Variants in GPC6 observed in about 807,000 individuals in gnomAD.
GPC6 encodes the protein glypican-6.
Under a neutral mutation model 55.2 loss-of-function variants are expected in GPC6, and 14 were observed. The observed-to-expected ratio is 0.25, with a 90% CI of 0.17 to 0.40. GPC6 has a LOEUF of 0.40. Ranked by LOEUF, GPC6 falls within the 10% of genes least tolerant of loss-of-function variation. The pLI is 1.00. For missense variants in GPC6, 641 were observed against 708.5 expected, an observed-to-expected ratio of 0.90 and a Z score of 1.08; for synonymous variants, 278 against 259.6, an observed-to-expected ratio of 1.07 and a Z score of -0.68.
chr13:93,364,163 G>A (rs555727626), intron 1 of GPC6, among the ~76,000 whole-genome samples: 3 of 151,892 alleles, frequency 2.0e-5, no homozygotes, highest in African/African-American at 7.3e-5. Flanking sequence ...GTCAATTTTG[G>A]CTTTTGTTGC....
At chr13:93,726,263 C>T (rs987735373) in intron 2 of GPC6, among the ~76,000 whole-genome samples, 8 of 152,060 alleles carry the variant, frequency 5.3e-5, no homozygotes, top group Admixed American at 4.6e-4. Flanking sequence ...TCTGTGCATT[C>T]ATGTCAGTCC....
At chr13:93,665,696 A>C (rs1314052965) in intron 2 of GPC6, among the ~76,000 whole-genome samples, 1 of 152,194 alleles carries the variant, frequency 6.6e-6, no homozygotes. Context: ...GGGACAGAAG[A>C]GATAATGGGT....
intron 4 of GPC6, among the ~76,000 whole-genome samples, chr13:94,156,400 G>A (rs920463680): frequency 6.6e-6 from 1 of 152,128 alleles, no homozygotes; most frequent in African/African-American, 2.4e-5. Context: ...TACAGATATA[G>A]AGATAGATAT....
intron 1 of GPC6, among the ~76,000 whole-genome samples, chr13:93,512,222 A>C (rs1159419272): frequency 6.6e-6 from 1 of 152,088 alleles, no homozygotes; most frequent in Non-Finnish European, 1.5e-5. Context: ...ACTGAATAAA[A>C]GTAGTGAAAG....
chr13:94,217,660 A>G (rs1890263546), intron 4 of GPC6, among the ~76,000 whole-genome samples: 1 of 152,194 alleles, frequency 6.6e-6, no homozygotes, highest in East Asian at 1.9e-4. Context: ...AAAAACTGCT[A>G]TCATCCCCTC....
intron 4 of GPC6, among the ~76,000 whole-genome samples, chr13:94,256,031 G>T (rs1200688278): frequency 1.3e-5 from 2 of 152,088 alleles, no homozygotes; most frequent in Non-Finnish European, 1.5e-5. Context: ...GCATATAAAA[G>T]GTTAAGAAGC....
chr13:93,277,666 C>G (rs1007687297), intron 1 of GPC6, among the ~76,000 whole-genome samples: 2 of 152,082 alleles, frequency 1.3e-5, no homozygotes, highest in African/African-American at 4.8e-5. Context: ...GTTTTTTTCA[C>G]ATTCAATTTA....
At chr13:93,413,636 A>T (rs914669409) in intron 1 of GPC6, among the ~76,000 whole-genome samples, 2 of 151,714 alleles carry the variant, frequency 1.3e-5, no homozygotes, top group Non-Finnish European at 2.9e-5. Flanking sequence ...TAATGCAATC[A>T]TATGATATAT....
chr13:93,758,982 C>T (rs1259642488), intron 2 of GPC6, among the ~76,000 whole-genome samples: 3 of 151,992 alleles, frequency 2.0e-5, no homozygotes, highest in South Asian at 2.1e-4. Context: ...ACAGTTTTTC[C>T]GTTCTCTTTT....
chr13:93,897,415 A>G (rs1406404116), intron 3 of GPC6, among the ~76,000 whole-genome samples: 1 of 152,098 alleles, frequency 6.6e-6, no homozygotes, highest in Non-Finnish European at 1.5e-5. Context: ...GATTATGTGA[A>G]TGTATCAAAT....
chr13:93,544,050 G>A (rs542104205), intron 1 of GPC6, among the ~76,000 whole-genome samples: 242 of 151,208 alleles, frequency 1.6e-3, no homozygotes, highest in African/African-American at 5.3e-3. Flanking sequence ...TGCATTTCCC[G>A]GATGATTAGT....
chr13:93,882,499 A>G (rs1205732808), intron 3 of GPC6, among the ~76,000 whole-genome samples: 2 of 152,008 alleles, frequency 1.3e-5, no homozygotes, highest in African/African-American at 2.4e-5. Context: ...TATATCATAC[A>G]TTAGTAACAC....
chr13:93,490,759 A>G (rs1293200754), intron 1 of GPC6, among the ~76,000 whole-genome samples: 1 of 119,540 alleles, frequency 8.4e-6, no homozygotes, highest in African/African-American at 3.1e-5. Flanking sequence ...CATGAGTGAG[A>G]ATATGCGGTG....
intron 4 of GPC6, among the ~76,000 whole-genome samples, chr13:94,070,709 T>C (rs1884699228): frequency 1.3e-5 from 2 of 152,198 alleles, no homozygotes; most frequent in South Asian, 4.1e-4. Flanking sequence ...GGAATAGTTT[T>C]CTAACCTTTT....
chr13:94,329,111 G>C (rs1008336351), intron 6 of GPC6, among the ~76,000 whole-genome samples: 2 of 152,230 alleles, frequency 1.3e-5, no homozygotes, highest in African/African-American at 4.8e-5. Context: ...GAAAGAGCTG[G>C]TTAGTATCTT....
At chr13:94,373,130 A>G (rs953268529) in intron 6 of GPC6, among the ~76,000 whole-genome samples, 5 of 152,344 alleles carry the variant, frequency 3.3e-5, no homozygotes, top group Admixed American at 6.5e-5. Context: ...AGAACAGAAA[A>G]ACTGGAAACT....
chr13:93,702,492 A>T (rs1227670276), intron 2 of GPC6, among the ~76,000 whole-genome samples: 2 of 151,998 alleles, frequency 1.3e-5, no homozygotes, highest in Non-Finnish European at 2.9e-5. Context: ...CACCAGTTTC[A>T]TTAGCCCCTA....
intron 3 of GPC6, among the ~76,000 whole-genome samples, chr13:93,882,193 C>T (rs901095980): frequency 4.6e-5 from 7 of 150,784 alleles, no homozygotes; most frequent in South Asian, 2.1e-4. Context: ...CTCACTCTTT[C>T]GCCAAAGCTG....
intron 2 of GPC6, among the ~76,000 whole-genome samples, chr13:93,703,072 A>G (rs903404153): frequency 1.3e-5 from 2 of 151,948 alleles, no homozygotes; most frequent in Non-Finnish European, 2.9e-5. Flanking sequence ...TGAAATGCTT[A>G]CATCACTAAA....
Sources: gnomAD v4.1 joint callset for allele counts (sites outside exome capture counted in the v4.1 genomes callset) on GRCh38, gnomAD v4.1.1 for gene constraint, MANE v1.5 for transcripts, NCBI Gene and HGNC (gene_info 2026-07-23, HGNC 2026-07-21) for gene names.